Variants in GPC6 observed in about 807,000 individuals in gnomAD.
The protein encoded by GPC6 is glypican-6.
In GPC6, 14 loss-of-function variants were observed where a neutral mutation model predicts 55.2. That is an observed-to-expected ratio of 0.25 (90% CI 0.17 to 0.40). The LOEUF is 0.40. Among genes scored for constraint, GPC6 ranks in the 10% least tolerant of loss-of-function variants. The probability of loss-of-function intolerance (pLI) is 1.00; values close to 1 mark genes in which losing one functional copy is unlikely to be tolerated. For synonymous variants in GPC6, 278 were observed against 259.6 expected (o/e 1.07, Z -0.68); for missense variants, 641 against 708.5 (o/e 0.90, Z 1.08).
chr13:93,620,466 T>A (rs1248926536), intron 2 of GPC6, among the ~76,000 whole-genome samples: 6 of 152,206 alleles, frequency 3.9e-5, no homozygotes, highest in Non-Finnish European at 8.8e-5. Context: ...TCCCATCAAG[T>A]TCTATTTCTT....
intron 3 of GPC6, among the ~76,000 whole-genome samples, chr13:93,934,678 T>C (rs1268955253): frequency 6.6e-6 from 1 of 151,170 alleles, no homozygotes; most frequent in Non-Finnish European, 1.5e-5. Flanking sequence ...CATCTGAATG[T>C]TTTATATATA....
chr13:93,815,574 TG>T (rs1476334804), intron 2 of GPC6, among the ~76,000 whole-genome samples: 1 of 152,190 alleles, frequency 6.6e-6, no homozygotes, highest in African/African-American at 2.4e-5. Context: ...GACAATGTTA[TG>T]AAAGTAAAAT....
chr13:93,873,473 A>G (rs1889192730), intron 3 of GPC6, among the ~76,000 whole-genome samples: 1 of 151,876 alleles, frequency 6.6e-6, no homozygotes. Context: ...GGGAGATTTT[A>G]TATTTGACAA....
chr13:93,917,961 G>A (rs1877374561), intron 3 of GPC6, among the ~76,000 whole-genome samples: 1 of 152,128 alleles, frequency 6.6e-6, no homozygotes, highest in African/African-American at 2.4e-5. Flanking sequence ...GCCAGGTGTG[G>A]TGGCACATGC....
chr13:93,295,523 G>C (rs1440497865), intron 1 of GPC6, among the ~76,000 whole-genome samples: 2 of 151,984 alleles, frequency 1.3e-5, no homozygotes, highest in Non-Finnish European at 2.9e-5. Flanking sequence ...TTTTGAGACA[G>C]AGTCTGGAGT....
chr13:94,363,035 T>A (rs1382774999), intron 6 of GPC6, among the ~76,000 whole-genome samples: 1 of 152,052 alleles, frequency 6.6e-6, no homozygotes, highest in African/African-American at 2.4e-5. Flanking sequence ...ATGCTCTCCT[T>A]CCCCTTGCCC....
At chr13:93,991,667 A>T (rs1881312989) in intron 3 of GPC6, among the ~76,000 whole-genome samples, 1 of 152,156 alleles carries the variant, frequency 6.6e-6, no homozygotes, top group African/African-American at 2.4e-5. Flanking sequence ...GTCAAGGTAC[A>T]CAACTGTAGC....
intron 2 of GPC6, among the ~76,000 whole-genome samples, chr13:93,597,847 G>A (rs1044944420): frequency 6.6e-6 from 1 of 152,004 alleles, no homozygotes; most frequent in East Asian, 1.9e-4. Context: ...CTTCTGGGGA[G>A]TCAAAAGTTA....
chr13:93,402,451 A>T (rs921435659), intron 1 of GPC6, among the ~76,000 whole-genome samples: 3 of 152,122 alleles, frequency 2.0e-5, no homozygotes, highest in Non-Finnish European at 2.9e-5. Flanking sequence ...CCTGGATAAG[A>T]TGCTCTCTGG....
chr13:93,487,045 A>C (rs1879745527), intron 1 of GPC6, among the ~76,000 whole-genome samples: 1 of 152,100 alleles, frequency 6.6e-6, no homozygotes, highest in Non-Finnish European at 1.5e-5. Context: ...AAAATAATAT[A>C]CACACACTTA....
chr13:93,971,422 T>G (rs76689750), intron 3 of GPC6, among the ~76,000 whole-genome samples: 1,590 of 152,290 alleles, frequency 0.01, 34 homozygotes, highest in African/African-American at 0.037. Flanking sequence ...GCAAATAAAT[T>G]GAAAATAAAA....
upstream of GPC6, among the ~76,000 whole-genome samples, chr13:93,223,018 A>ATTTTTTTTTTTTTTTTTTTTTTTTTTT (rs1875661668): frequency 2.1e-5 from 1 of 48,286 alleles, no homozygotes; most frequent in African/African-American, 7.2e-5. Context: ...CAGGGAAAAC[A>ATTTTTTTTTTTTTTTTTTTTTTTTTTT]CTTTTTTTTT....
intron 2 of GPC6, among the ~76,000 whole-genome samples, chr13:93,808,807 A>ACC (rs1042211498): frequency 3.4e-4 from 52 of 152,136 alleles, no homozygotes; most frequent in African/African-American, 1.3e-3. Context: ...AAAGATCATG[A>ACC]CCCTTATTTT....
chr13:94,272,529 T>A (rs552319702), intron 4 of GPC6, among the ~76,000 whole-genome samples: 3 of 141,614 alleles, frequency 2.1e-5, no homozygotes, highest in South Asian at 2.3e-4. Context: ...AGTGCAGTGG[T>A]GCCATCTCAG....
intron 4 of GPC6, among the ~76,000 whole-genome samples, chr13:94,089,806 T>G (rs1291749397): frequency 2.0e-5 from 3 of 152,110 alleles, no homozygotes; most frequent in Non-Finnish European, 4.4e-5. Flanking sequence ...CCTGAATAAC[T>G]GCAAGTATTG....
chr13:93,602,631 T>C (rs1878064021), intron 2 of GPC6, among the ~76,000 whole-genome samples: 2 of 152,198 alleles, frequency 1.3e-5, no homozygotes, highest in Admixed American at 1.3e-4. Context: ...TCACCTTCTC[T>C]AGGAAACTTA....
intron 2 of GPC6, among the ~76,000 whole-genome samples, chr13:93,589,605 T>G (rs1877367512): frequency 6.6e-6 from 1 of 152,184 alleles, no homozygotes; most frequent in African/African-American, 2.4e-5. Context: ...GCTAGATGCC[T>G]TAGGTTATAT....
intron 4 of GPC6, chr13:94,154,472 C>G: frequency 6.6e-6 from 1 of 152,190 alleles, no homozygotes; most frequent in East Asian, 1.9e-4. Context: ...GTGCTGACCT[C>G]TCATTCAGTG....
intron 2 of GPC6, among the ~76,000 whole-genome samples, chr13:93,552,108 A>G (rs1450457054): frequency 6.6e-6 from 1 of 152,190 alleles, no homozygotes; most frequent in Non-Finnish European, 1.5e-5. Context: ...TACATTTGCT[A>G]GGCTACCAGC....
Sources: allele counts gnomAD v4.1 joint callset (sites outside exome capture counted in the v4.1 genomes callset), GRCh38; gene constraint gnomAD v4.1.1; transcripts MANE v1.5; gene names NCBI Gene and HGNC (gene_info 2026-07-23, HGNC 2026-07-21).